The following RBMS1 variants were observed in gnomAD, a reference collection of about 807,000 sequenced individuals.
RBMS1 encodes the protein RNA binding motif single stranded interacting protein 1, also known as RNA-binding motif, single-stranded-interacting protein 1.
In RBMS1, 17 loss-of-function variants were observed where a neutral mutation model predicts 62.3. The ratio of observed to expected loss-of-function variants is 0.27; its 90% confidence interval spans 0.19 to 0.41. RBMS1 has a LOEUF of 0.41. Ranked by LOEUF, RBMS1 falls within the 10% of genes least tolerant of loss-of-function variation. The pLI is 1.00. For synonymous variants in RBMS1, 172 were observed against 170.0 expected (o/e 1.01, Z -0.09); for missense variants, 334 against 504.5 (o/e 0.66, Z 3.24).
At chr2:160,422,808 A>C (rs1240889345) in intron 1 of RBMS1, among the ~76,000 whole-genome samples, 1 of 152,188 alleles carries the variant, frequency 6.6e-6, no homozygotes, top group Non-Finnish European at 1.5e-5. Context: ...CCTCCCAGGC[A>C]AATCATACTA....
chr2:160,407,914 C>A, intron 1 of RBMS1: 1 of 980,510 alleles, frequency 1.0e-6, no homozygotes, highest in Non-Finnish European at 1.2e-6. Flanking sequence ...GAGAGCGCGC[C>A]GGCCGGGGGC....
chr2:160,311,220 C>CTATATATATATA (rs1488544677), intron 4 of RBMS1, among the ~76,000 whole-genome samples: 1 of 84,986 alleles, frequency 1.2e-5, no homozygotes, highest in African/African-American at 3.9e-5. Context: ...ATCTATCTAT[C>CTATATATATATA]TATCTATCTA....
At chr2:160,416,459 G>A (rs1696212578) in intron 1 of RBMS1, among the ~76,000 whole-genome samples, 1 of 151,910 alleles carries the variant, frequency 6.6e-6, no homozygotes, top group Non-Finnish European at 1.5e-5. Flanking sequence ...CATTTTTGGG[G>A]GCTATTTACA....
At chr2:160,400,743 T>A (rs959194970) in intron 1 of RBMS1, among the ~76,000 whole-genome samples, 2 of 152,128 alleles carry the variant, frequency 1.3e-5, no homozygotes, top group South Asian at 4.2e-4. Flanking sequence ...GTATAAAAAA[T>A]AGGAAAATTT....
At chr2:160,407,816 G>C in intron 1 of RBMS1, 1 of 981,306 alleles carries the variant, frequency 1.0e-6, no homozygotes, top group Non-Finnish European at 1.2e-6. Flanking sequence ...GTTCGCGCGC[G>C]GAGCTGGCGG....
chr2:160,437,015 A>G (rs772190488), intron 1 of RBMS1, among the ~76,000 whole-genome samples: 36 of 152,358 alleles, frequency 2.4e-4, no homozygotes, highest in Non-Finnish European at 4.4e-4. Context: ...GCATAGCTAG[A>G]GAAGTCTACA....
chr2:160,362,809 A>G (rs1693201472), intron 2 of RBMS1, among the ~76,000 whole-genome samples: 1 of 152,124 alleles, frequency 6.6e-6, no homozygotes, highest in Non-Finnish European at 1.5e-5. Context: ...TGCAAAGCAC[A>G]GTAAAACGAG....
chr2:160,318,148 T>G, intron 3 of RBMS1, 21 bp downstream of exon 3: 1 of 1,564,382 alleles, frequency 6.4e-7, no homozygotes, highest in Non-Finnish European at 8.6e-7. Flanking sequence ...ATTTACCAAA[T>G]AACCAGCCAA....
chr2:160,362,590 C>T (rs1693188463), intron 2 of RBMS1, among the ~76,000 whole-genome samples: 1 of 152,002 alleles, frequency 6.6e-6, no homozygotes, highest in Admixed American at 6.6e-5. Flanking sequence ...GTTTGTGGTG[C>T]CCCAAAACAA....
rs147934161 is a variant in RBMS1, at chr2:160,275,686, A to C, written c.1172T>G (p.Val391Gly). Reference protein sequence around the residue: ...EEASGQQQVAVETSNDHSPYT... With the variant: ...EEASGQQQVAGETSNDHSPYT... ...TGGAGAATGGTCATTAGACGTCTCG[A>C]CAGCCACCTGCTGTTGACCACTTGC... Residue 391 changes from valine (V) to glycine (G), a missense_variant, in exon 13 of 14, where the codon GTC becomes GGC. This residue lies in a region of RBMS1 where 182 missense variants were observed against 257.7 expected (regional missense o/e 0.71). Transcript: ENST00000348849. The C allele has an allele frequency of 5.6e-6, 9 of 1,613,754 alleles. No homozygotes were observed. In the African/African-American group the frequency reaches 1.2e-4, roughly 22 times the overall value.
chr2:160,440,582 C>T (rs1187055986), intron 1 of RBMS1, among the ~76,000 whole-genome samples: 1 of 152,208 alleles, frequency 6.6e-6, no homozygotes, highest in Non-Finnish European at 1.5e-5. Context: ...TCACCAAAAT[C>T]TAGTCACTCT....
At chr2:160,300,852 G>A in intron 5 of RBMS1, 122 bp from the exon 6 acceptor site, 1 of 1,131,936 alleles carries the variant, frequency 8.8e-7, no homozygotes, top group Non-Finnish European at 1.2e-6. Flanking sequence ...GTAAAAATGT[G>A]AATATGATAA....
chr2:160,323,612 G>GAAA (rs1213069883), intron 2 of RBMS1, among the ~76,000 whole-genome samples: 1 of 86,102 alleles, frequency 1.2e-5, no homozygotes, highest in Non-Finnish European at 2.1e-5. Flanking sequence ...TTTCATGAAA[G>GAAA]AAAAAAAAAA....
chr2:160,491,050 C>T lies in RBMS1; in HGVS notation c.75+2239G>A, dbSNP rs573040484. Among the ~76,000 whole-genome samples, 11 of 145,762 alleles carry T rather than the reference C, an allele frequency of 7.5e-5. No homozygotes were observed. The South Asian group carries it at 2.4e-3, about 32-fold the overall frequency. ...TTTTAAACTAACTACAAATCAAAGT[C>T]TTTTTTTTTTTAAATGATTCAACAT... On this transcript the variant is annotated intron_variant, in intron 1 of 13. Coordinates refer to ENST00000348849, the MANE Select transcript of RBMS1 (RefSeq NM_016836.4).
At chr2:160,460,316 A>ATGAGG (rs1177240658) in intron 1 of RBMS1, among the ~76,000 whole-genome samples, 7 of 152,216 alleles carry the variant, frequency 4.6e-5, no homozygotes, top group African/African-American at 1.7e-4. Context: ...GCATGTCACC[A>ATGAGG]TGAGGTAAGG....
At chr2:160,474,337 T>A (rs1227222579) in intron 1 of RBMS1, among the ~76,000 whole-genome samples, 1 of 152,228 alleles carries the variant, frequency 6.6e-6, no homozygotes, top group Non-Finnish European at 1.5e-5. Context: ...AGTTCTTTTT[T>A]GTGTGTGTTG....
intron 6 of RBMS1, among the ~76,000 whole-genome samples, chr2:160,288,516 T>C (rs1358974363): frequency 6.6e-6 from 1 of 152,200 alleles, no homozygotes; most frequent in Admixed American, 6.5e-5. Flanking sequence ...CTTCTTTCCC[T>C]GGTGTGAACC....
At chr2:160,300,481 T>A (rs1420410658) in intron 6 of RBMS1, among the ~76,000 whole-genome samples, 170 bp downstream of exon 6, 2 of 152,200 alleles carry the variant, frequency 1.3e-5, no homozygotes, top group African/African-American at 2.4e-5. Context: ...AAACATCCAA[T>A]GCCTATGCCT....
At chr2:160,321,743 C>T (rs1690573781) in intron 2 of RBMS1, among the ~76,000 whole-genome samples, 1 of 152,188 alleles carries the variant, frequency 6.6e-6, no homozygotes, top group Admixed American at 6.5e-5. Context: ...CGTGCCACCA[C>T]TAACTCAGTA....
Sources: gnomAD v4.1 joint callset for allele counts (sites outside exome capture counted in the v4.1 genomes callset) on GRCh38, gnomAD v4.1.1 for gene constraint, gnomAD v4.1.1 regional missense constraint, MANE v1.5 for transcripts, NCBI Gene and HGNC (gene_info 2026-07-23, HGNC 2026-07-21) for gene names.